VAT1L: variants seen among roughly 807,000 people sequenced by gnomAD.
The protein encoded by VAT1L is putative NADPH-dependent quinone oxidoreductase VAT1L.
A neutral mutation model predicts 44.1 loss-of-function variants in VAT1L; 34 were observed. The observed-to-expected ratio is 0.77, with a 90% CI of 0.59 to 1.03. The LOEUF (loss-of-function observed/expected upper bound fraction) is 1.03. VAT1L is among the 50% of genes least tolerant of loss of function. VAT1L has a pLI of 0.00. For missense variants in VAT1L, 615 were observed against 538.8 expected (o/e 1.14, Z -1.40); for synonymous variants, 253 against 202.2 (o/e 1.25, Z -2.13).
chr16:77,836,127 G>C (rs534209916), intron 3 of VAT1L, among the ~76,000 whole-genome samples: 7 of 152,078 alleles, frequency 4.6e-5, no homozygotes, highest in Admixed American at 6.5e-5. Flanking sequence ...ACTGATTTCT[G>C]AGACTAAGAG....
At chr16:77,892,464 T>G in intron 7 of VAT1L, 1 of 511,938 alleles carries the variant, frequency 2.0e-6, no homozygotes, top group Non-Finnish European at 3.9e-6. Flanking sequence ...GTGCGGTTGA[T>G]GGTGGGCCCT....
intron 3 of VAT1L, among the ~76,000 whole-genome samples, chr16:77,839,696 C>T (rs1015761115): frequency 7.9e-5 from 12 of 152,022 alleles, no homozygotes; most frequent in African/African-American, 2.7e-4. Flanking sequence ...GCGGGATCAG[C>T]AATCTATCTT....
chr16:77,894,249 C>T (rs568293238), intron 7 of VAT1L, among the ~76,000 whole-genome samples: 141 of 152,342 alleles, frequency 9.3e-4, no homozygotes, highest in Non-Finnish European at 1.7e-3. Context: ...GGAACCACCA[C>T]GGCCATCTGA....
In VAT1L at chr16:77,834,783, C is replaced by T. The variant is rs541828220; in HGVS notation, c.579+9322C>T. On this transcript the variant is annotated intron_variant, in intron 3 of 8. Coordinates refer to ENST00000302536, the MANE Select transcript of VAT1L (RefSeq NM_020927.3). ...TCTGCATCCCAGACTGCATCCTCCT[C>T]ATCCCTTCATTTTCCTAAGATTAAT... Among the ~76,000 whole-genome samples, 18 of 152,334 alleles carry T rather than the reference C, an allele frequency of 1.2e-4. No homozygotes were observed. The East Asian group carries it at 3.5e-3, about 29-fold the overall frequency.
rs1459484224 is a variant in VAT1L, at chr16:77,879,966, C to T, written c.882+742C>T. Among the ~76,000 whole-genome samples, 1 of 152,124 alleles carries T rather than the reference C, an allele frequency of 6.6e-6. No homozygotes were observed. The highest frequency in any genetic ancestry group is 1.9e-4 in the East Asian group (1 of 5,182). ...GAGATAGAAATGAGGACCCTATGAC[C>T]TTAACAAGATCCTGAGGTGACTTGT... On this transcript the variant is annotated intron_variant, in intron 6 of 8. Coordinates refer to ENST00000302536, the MANE Select transcript of VAT1L (RefSeq NM_020927.3). This position sits in a 1 kb window ranked among gnomAD's most constrained non-coding sequence, Gnocchi z 4.1.
chr16:77,969,051 T>C (rs928671685), intron 7 of VAT1L, among the ~76,000 whole-genome samples: 1 of 152,122 alleles, frequency 6.6e-6, no homozygotes, highest in African/African-American at 2.4e-5. Flanking sequence ...ACTCCTAACC[T>C]CAAGTGATCT....
chr16:77,951,144 A>G (rs1597117648), intron 7 of VAT1L, among the ~76,000 whole-genome samples: 2 of 152,370 alleles, frequency 1.3e-5, no homozygotes, highest in South Asian at 4.1e-4. Context: ...GCTGTTCAAA[A>G]TCCGTAAAGT....
At chr16:77,917,044 A>G (rs1477038559) in intron 7 of VAT1L, among the ~76,000 whole-genome samples, 1 of 152,166 alleles carries the variant, frequency 6.6e-6, no homozygotes, top group Non-Finnish European at 1.5e-5. Context: ...CAGCACTTGA[A>G]GGATTTAGAT....
chr16:77,926,566 G>C (rs2017671533), intron 7 of VAT1L, among the ~76,000 whole-genome samples: 1 of 152,164 alleles, frequency 6.6e-6, no homozygotes, highest in African/African-American at 2.4e-5. Flanking sequence ...CTGGGTGACA[G>C]AGCAAGACTC....
chr16:77,957,967 G>A (rs1336266703), intron 7 of VAT1L, among the ~76,000 whole-genome samples: 1 of 151,980 alleles, frequency 6.6e-6, no homozygotes, highest in Non-Finnish European at 1.5e-5. Flanking sequence ...GAGTACAATG[G>A]TGTGCTCTCA....
chr16:77,891,530 T>C (rs1289076000), intron 7 of VAT1L, among the ~76,000 whole-genome samples: 1 of 152,232 alleles, frequency 6.6e-6, no homozygotes, highest in African/African-American at 2.4e-5. Context: ...TTCCTCACTT[T>C]GGCTGTAGTG....
rs561459179 is a variant in VAT1L at position 77,861,964 on chromosome 16, C to T, written c.580-784C>T. On this transcript the variant is annotated intron_variant, in intron 3 of 8. Coordinates refer to ENST00000302536, the MANE Select transcript of VAT1L (RefSeq NM_020927.3). ...TACTGTCTTAATACCTTGTTATTTC[C>T]GGAGATCATTGTCCAGGTAAAATAC... Among the ~76,000 whole-genome samples, 43 of 152,258 alleles carry T rather than the reference C, an allele frequency of 2.8e-4. No homozygotes were observed. The South Asian group carries it at 4.1e-3, about 15-fold the overall frequency.
At chr16:77,856,065 G>T (rs1022834444) in intron 3 of VAT1L, among the ~76,000 whole-genome samples, 3 of 152,074 alleles carry the variant, frequency 2.0e-5, no homozygotes, top group African/African-American at 7.2e-5. Context: ...TAGAATGAAT[G>T]ACTCAATGAA....
At chr16:77,923,300 A>AT (rs1293814521) in intron 7 of VAT1L, among the ~76,000 whole-genome samples, 1 of 152,182 alleles carries the variant, frequency 6.6e-6, no homozygotes, top group African/African-American at 2.4e-5. Flanking sequence ...AATACAAAAA[A>AT]TTAGCTGGGC....
At chr16:77,918,235 A>G (rs2017571053) in intron 7 of VAT1L, among the ~76,000 whole-genome samples, 1 of 152,190 alleles carries the variant, frequency 6.6e-6, no homozygotes. Flanking sequence ...AGGCCAGGAA[A>G]AGGTGATACA....
At chr16:77,933,982 GTTCTTT>G (rs2017763139) in intron 7 of VAT1L, among the ~76,000 whole-genome samples, 1 of 152,128 alleles carries the variant, frequency 6.6e-6, no homozygotes, top group Non-Finnish European at 1.5e-5. Context: ...CGTGGTCTGT[GTTCTTT>G]TTCTTAAGGT....
At chr16:77,855,294 C>A (rs529530250) in intron 3 of VAT1L, among the ~76,000 whole-genome samples, 1 of 150,566 alleles carries the variant, frequency 6.6e-6, no homozygotes, top group African/African-American at 2.5e-5. Context: ...GAGCCGAGAT[C>A]GTGCCACTGC....
At chr16:77,803,159 A>C (rs2016094842) in intron 1 of VAT1L, among the ~76,000 whole-genome samples, 1 of 152,182 alleles carries the variant, frequency 6.6e-6, no homozygotes, top group South Asian at 2.1e-4. Flanking sequence ...TACAGGGAAG[A>C]TAATAGGGTA....
chr16:77,891,831 G>C (rs2017269644), intron 7 of VAT1L, among the ~76,000 whole-genome samples: 1 of 152,208 alleles, frequency 6.6e-6, no homozygotes, highest in South Asian at 2.1e-4. Flanking sequence ...CCAGCACTTT[G>C]GGAGGGCGAG....
Sources: allele counts gnomAD v4.1 joint callset (sites outside exome capture counted in the v4.1 genomes callset), GRCh38; gene constraint gnomAD v4.1.1; non-coding constraint Gnocchi (gnomAD v3.1); transcripts MANE v1.5; gene names NCBI Gene and HGNC (gene_info 2026-07-23, HGNC 2026-07-21).